CNTN5: variants seen among roughly 807,000 people sequenced by gnomAD.
The protein encoded by CNTN5 is contactin 5.
A neutral mutation model predicts 129.1 loss-of-function variants in CNTN5; 77 were observed. That is an observed-to-expected ratio of 0.60 (90% CI 0.50 to 0.72). The LOEUF (loss-of-function observed/expected upper bound fraction) is 0.72, where lower values mean the gene tolerates loss of function less well. Ranked by LOEUF, CNTN5 falls within the 30% of genes least tolerant of loss-of-function variation. The pLI is 0.00. For missense variants in CNTN5, 1,478 were observed against 1,328.8 expected (o/e 1.11, Z -1.75); for synonymous variants, 509 against 465.6 (o/e 1.09, Z -1.20).
chr11:99,637,803 T>C (rs953307094), intron 3 of CNTN5, among the ~76,000 whole-genome samples: 93 of 151,726 alleles, frequency 6.1e-4, no homozygotes, highest in African/African-American at 2.2e-3. Flanking sequence ...TATCTACATA[T>C]TATTTTATAC....
chr11:99,500,260 A>T (rs534594651), intron 2 of CNTN5, among the ~76,000 whole-genome samples: 1 of 152,306 alleles, frequency 6.6e-6, no homozygotes, highest in East Asian at 1.9e-4. Flanking sequence ...GTTTATATGC[A>T]GTGATAGTAA....
chr11:99,084,485 A>G (rs1865919753), intron 1 of CNTN5, among the ~76,000 whole-genome samples: 2 of 152,206 alleles, frequency 1.3e-5, no homozygotes, highest in Non-Finnish European at 2.9e-5. Context: ...ATAAATACAG[A>G]TGATGATATT....
Position 100,350,888 on chromosome 11 carries a change from A to G in CNTN5, c.3199+18A>G. ...ATATTCAGGTAAGTTTTGACACAGTAGATTTAATTTGCTGACAACCAACAA... is the reference window on the plus strand; with the variant it reads ...ATATTCAGGTAAGTTTTGACACAGTGGATTTAATTTGCTGACAACCAACAA... On this transcript the variant is annotated intron_variant, in intron 24 of 24. Coordinates refer to ENST00000524871, the MANE Select transcript of CNTN5 (RefSeq NM_014361.4). 6.6e-7 allele frequency: 1 copy of G among 1,525,724 alleles called. No homozygotes were observed. Among genetic ancestry groups the G allele is most frequent in the Non-Finnish European group, 8.9e-7 (1 of 1,128,342 alleles). The allele number at this position is 1,525,724 out of a possible 1,614,324, so 94.5% of individuals were successfully genotyped here. A position where few individuals can be genotyped will look rare whatever the true frequency, so the allele number is the denominator to read the frequency against.
chr11:99,069,334 A>G (rs752174014), intron 1 of CNTN5, among the ~76,000 whole-genome samples: 1 of 152,122 alleles, frequency 6.6e-6, no homozygotes, highest in Non-Finnish European at 1.5e-5. Context: ...GTGAACTTTA[A>G]GTGGAGGTCA....
chr11:99,526,569 G>A (rs1947495429), intron 2 of CNTN5, among the ~76,000 whole-genome samples: 1 of 152,152 alleles, frequency 6.6e-6, no homozygotes, highest in African/African-American at 2.4e-5. Flanking sequence ...TCCTAGGTTG[G>A]AGCTGATCAA....
chr11:99,713,417 A>C (rs1330805750), intron 3 of CNTN5, among the ~76,000 whole-genome samples: 1 of 152,090 alleles, frequency 6.6e-6, no homozygotes, highest in Non-Finnish European at 1.5e-5. Flanking sequence ...GGGGTTTTCT[A>C]AATACACAAT....
intron 1 of CNTN5, among the ~76,000 whole-genome samples, chr11:99,196,465 A>T (rs1858908279): frequency 6.6e-6 from 1 of 151,942 alleles, no homozygotes; most frequent in African/African-American, 2.4e-5. Flanking sequence ...ATGTTTAGAT[A>T]TTTAATATAT....
intron 3 of CNTN5, among the ~76,000 whole-genome samples, chr11:99,649,313 T>C (rs1043014463): frequency 2.0e-5 from 3 of 151,774 alleles, no homozygotes; most frequent in Non-Finnish European, 4.4e-5. Context: ...TATTCAACCA[T>C]TTAGTTTTAT....
chr11:99,364,417 T>G (rs77129268), intron 2 of CNTN5, among the ~76,000 whole-genome samples: 2,384 of 152,216 alleles, frequency 0.016, 64 homozygotes, highest in African/African-American at 0.054. Context: ...ACACACAGTG[T>G]TGTTTAAATG....
At chr11:99,180,605 A>T in intron 1 of CNTN5, among the ~76,000 whole-genome samples, 1 of 152,168 alleles carries the variant, frequency 6.6e-6, no homozygotes, top group East Asian at 1.9e-4. Flanking sequence ...GAGCTCACAC[A>T]ACCTGTTTCG....
At chr11:99,945,784 G>A (rs762673977) in intron 7 of CNTN5, among the ~76,000 whole-genome samples, 22 of 151,896 alleles carry the variant, frequency 1.4e-4, no homozygotes, top group African/African-American at 4.8e-4. Context: ...TACCTTACAC[G>A]CTCATCGAGT....
chr11:99,794,178 GTC>G (rs1326412954), intron 3 of CNTN5, among the ~76,000 whole-genome samples: 2 of 104,842 alleles, frequency 1.9e-5, no homozygotes, highest in Non-Finnish European at 2.1e-5. Context: ...GTCCTTCTTT[GTC>G]TTTTTTTTTT....
At chr11:99,952,931 T>G (rs10791064) in intron 7 of CNTN5, among the ~76,000 whole-genome samples, 128,173 of 152,152 alleles carry the variant, frequency 0.84, 54,054 homozygotes, top group South Asian at 0.89. Context: ...TGGGACAGTT[T>G]CGTTATTAAT....
At chr11:99,034,485 G>T (rs1219901282) in intron 1 of CNTN5, among the ~76,000 whole-genome samples, 1 of 151,506 alleles carries the variant, frequency 6.6e-6, no homozygotes, top group Non-Finnish European at 1.5e-5. Context: ...ACTTCTTCCT[G>T]GTTTAGTCTT....
At position 100,059,442 on chromosome 11, in the gene CNTN5, C is replaced by T. The variant is rs186331977; in HGVS notation, c.981-1770C>T. On this transcript the variant is annotated intron_variant, in intron 9 of 24. Transcript: ENST00000524871. Reference sequence around the variant, plus strand: ...CAGGCACCATCATAAACTAACAATACACTGGGGAAGAATAGTTCTATGGCC... The same window carrying T: ...CAGGCACCATCATAAACTAACAATATACTGGGGAAGAATAGTTCTATGGCC... 2.1e-3 allele frequency among the ~76,000 whole-genome samples: 326 copies of T among 152,058 alleles called. 2 individuals are homozygous for T. The highest frequency in any genetic ancestry group is 7.5e-3 in the African/African-American group (310 of 41,486).
At chr11:99,328,765 G>C (rs1865884395) in intron 2 of CNTN5, among the ~76,000 whole-genome samples, 1 of 150,954 alleles carries the variant, frequency 6.6e-6, no homozygotes, top group African/African-American at 2.4e-5. Context: ...AGCTACTCAG[G>C]AGGCTGAGGC....
In CNTN5 at chr11:99,816,825, T is replaced by C. The variant is rs182097684; in HGVS notation, c.56-2719T>C. 1.4e-3 allele frequency among the ~76,000 whole-genome samples: 219 copies of C among 152,260 alleles called. 1 individual carries two copies. Among genetic ancestry groups the C allele is most frequent in the Non-Finnish European group, 2.6e-3 (174 of 68,020 alleles). On this transcript the variant is annotated intron_variant, in intron 3 of 24. Transcript: ENST00000524871. ...GTCCTCCCACCTCTCTCCCTCATAA[T>C]ACCCTGCGCTCCTATTTTAATCCAC... is the stretch of plus-strand genomic sequence containing the variant.
intron 3 of CNTN5, among the ~76,000 whole-genome samples, chr11:99,727,847 T>G (rs12799622): frequency 0.067 from 10,236 of 152,246 alleles, 513 homozygotes; most frequent in South Asian, 0.24. Flanking sequence ...TATCTAGTAC[T>G]AAGGGCTTCA....
chr11:99,291,021 A>C (rs900925894), intron 1 of CNTN5, among the ~76,000 whole-genome samples: 9 of 151,934 alleles, frequency 5.9e-5, no homozygotes, highest in African/African-American at 2.2e-4. Context: ...GTGCTGCTAA[A>C]CACAGTGCTG....
Sources: gnomAD v4.1 joint callset for allele counts (sites outside exome capture counted in the v4.1 genomes callset) on GRCh38, gnomAD v4.1.1 for gene constraint, MANE v1.5 for transcripts, NCBI Gene and HGNC (gene_info 2026-07-23, HGNC 2026-07-21) for gene names.